The following PTPRM variants were observed in gnomAD, a reference collection of about 807,000 sequenced individuals.
The protein encoded by PTPRM is protein tyrosine phosphatase receptor type M.
Under a neutral mutation model 186.7 loss-of-function variants are expected in PTPRM, and 47 were observed. That is an observed-to-expected ratio of 0.25 (90% CI 0.20 to 0.32). PTPRM has a LOEUF of 0.32. PTPRM is among the 10% of genes least tolerant of loss of function. The pLI is 1.00. For missense variants in PTPRM, 1,494 were observed against 1,865.0 expected, an observed-to-expected ratio of 0.80 and a Z score of 3.66; for synonymous variants, 668 against 674.9, an observed-to-expected ratio of 0.99 and a Z score of 0.16.
At chr18:7,775,295 T>C (rs1232658933) in intron 2 of PTPRM, among the ~76,000 whole-genome samples, 1 of 152,194 alleles carries the variant, frequency 6.6e-6, no homozygotes, top group Non-Finnish European at 1.5e-5. Flanking sequence ...CAAAACCTTT[T>C]TAGCTGTTGG....
intron 1 of PTPRM, among the ~76,000 whole-genome samples, chr18:7,613,604 T>C (rs1351366739): frequency 6.6e-6 from 1 of 151,030 alleles, no homozygotes; most frequent in African/African-American, 2.4e-5. Context: ...ATCCAGGAGG[T>C]GGAGGTTGCA....
intron 2 of PTPRM, among the ~76,000 whole-genome samples, chr18:7,847,651 A>G (rs1045126573): frequency 7.9e-5 from 12 of 152,086 alleles, no homozygotes; most frequent in Admixed American, 2.0e-4. Flanking sequence ...AGTTTCTCCT[A>G]TAACATAAGA....
At chr18:8,110,052 C>T (rs1434180390) in intron 11 of PTPRM, among the ~76,000 whole-genome samples, 1 of 152,178 alleles carries the variant, frequency 6.6e-6, no homozygotes, top group Non-Finnish European at 1.5e-5. Flanking sequence ...TTGTGACTAT[C>T]GGTGTGCTTC....
At chr18:7,819,119 T>C (rs938793391) in intron 2 of PTPRM, among the ~76,000 whole-genome samples, 3 of 152,162 alleles carry the variant, frequency 2.0e-5, no homozygotes, top group African/African-American at 7.2e-5. Context: ...TATGGTGTTA[T>C]TGATATGGAA....
intron 23 of PTPRM, among the ~76,000 whole-genome samples, chr18:8,365,997 G>A (rs1222113450): frequency 6.6e-6 from 1 of 152,068 alleles, no homozygotes; most frequent in East Asian, 1.9e-4. Flanking sequence ...GGGAGAGGGG[G>A]GCTTCAATAA....
intron 22 of PTPRM, among the ~76,000 whole-genome samples, chr18:8,329,781 T>C (rs2095401547): frequency 6.6e-6 from 1 of 152,132 alleles, no homozygotes; most frequent in African/African-American, 2.4e-5. Flanking sequence ...ATTTGGGGAC[T>C]TCATTTTGAT....
chr18:7,829,422 A>G (rs1232619957), intron 2 of PTPRM, among the ~76,000 whole-genome samples: 1 of 152,200 alleles, frequency 6.6e-6, no homozygotes, highest in African/African-American at 2.4e-5. Flanking sequence ...TATTTCAGAG[A>G]TGGGTGGCCA....
intron 32 of PTPRM, among the ~76,000 whole-genome samples, chr18:8,401,654 C>T (rs944977792): frequency 2.6e-5 from 4 of 152,364 alleles, no homozygotes; most frequent in African/African-American, 9.6e-5. Flanking sequence ...CCCACGCTGG[C>T]CGCCAGCCTG....
At chr18:8,077,145 A>G (rs1239681315) in intron 9 of PTPRM, among the ~76,000 whole-genome samples, 1 of 152,202 alleles carries the variant, frequency 6.6e-6, no homozygotes, top group Non-Finnish European at 1.5e-5. Flanking sequence ...AACAGCAATA[A>G]CAGGGTGACA....
chr18:8,020,495 A>G (rs146901677), intron 7 of PTPRM, among the ~76,000 whole-genome samples: 83 of 152,312 alleles, frequency 5.4e-4, no homozygotes, highest in African/African-American at 1.9e-3. Context: ...ATTGTTTTTC[A>G]AATGAGGTTT....
At chr18:7,961,278 C>T (rs1423541844) in intron 7 of PTPRM, among the ~76,000 whole-genome samples, 3 of 152,160 alleles carry the variant, frequency 2.0e-5, no homozygotes, top group East Asian at 1.9e-4. Context: ...CACTAACTCT[C>T]CACTCCCCTT....
intron 7 of PTPRM, among the ~76,000 whole-genome samples, chr18:8,064,242 C>G (rs1029611027): frequency 2.6e-5 from 4 of 152,194 alleles, no homozygotes. Flanking sequence ...ACAATTTAAG[C>G]GGAGTTCAAA....
At chr18:7,706,338 C>A (rs1000764456) in intron 1 of PTPRM, among the ~76,000 whole-genome samples, 3 of 151,780 alleles carry the variant, frequency 2.0e-5, no homozygotes, top group Non-Finnish European at 2.9e-5. Flanking sequence ...TGGTTCACAT[C>A]TGTAGTCTTA....
At chr18:7,611,135 A>G (rs573275876) in intron 1 of PTPRM, among the ~76,000 whole-genome samples, 1 of 152,334 alleles carries the variant, frequency 6.6e-6, no homozygotes, top group South Asian at 2.1e-4. Flanking sequence ...ATATTTTTGT[A>G]AGCTGTACAA....
chr18:7,820,078 T>C (rs1201490103), intron 2 of PTPRM, among the ~76,000 whole-genome samples: 2 of 152,206 alleles, frequency 1.3e-5, no homozygotes. Flanking sequence ...TGGGTGAAAC[T>C]GTGCAGGATC....
At chr18:8,065,235 TATCA>T (rs1159946122) in intron 7 of PTPRM, among the ~76,000 whole-genome samples, 1 of 152,196 alleles carries the variant, frequency 6.6e-6, no homozygotes. Context: ...AAATTGATCC[TATCA>T]GTCAGTTTTT....
intron 1 of PTPRM, among the ~76,000 whole-genome samples, chr18:7,598,782 CT>C (rs34474506): frequency 0.088 from 11,289 of 127,724 alleles, 647 homozygotes; most frequent in African/African-American, 0.17. Context: ...TTCTGAATTC[CT>C]TTTTTTTTTT....
intron 1 of PTPRM, among the ~76,000 whole-genome samples, chr18:7,697,962 A>C (rs1250092140): frequency 6.6e-6 from 1 of 152,240 alleles, no homozygotes; most frequent in Non-Finnish European, 1.5e-5. Flanking sequence ...CATTGCTGTC[A>C]TTTTGTTCTG....
At chr18:7,630,218 T>C (rs1256105101) in intron 1 of PTPRM, among the ~76,000 whole-genome samples, 1 of 152,068 alleles carries the variant, frequency 6.6e-6, no homozygotes, top group African/African-American at 2.4e-5. Context: ...GGAAGAGTGT[T>C]AGAAGAGGGC....
Sources: allele counts gnomAD v4.1 joint callset (sites outside exome capture counted in the v4.1 genomes callset), GRCh38; gene constraint gnomAD v4.1.1; transcripts MANE v1.5; gene names NCBI Gene and HGNC (gene_info 2026-07-23, HGNC 2026-07-21).